Variants in VPS8 observed in about 807,000 individuals in gnomAD.
The protein encoded by VPS8 is vacuolar protein sorting-associated protein 8 homolog.
A neutral mutation model predicts 216.4 loss-of-function variants in VPS8; 129 were observed. The observed-to-expected ratio is 0.60, with a 90% CI of 0.52 to 0.69. VPS8 has a LOEUF of 0.69. Ranked by LOEUF, VPS8 falls within the 30% of genes least tolerant of loss-of-function variation. The pLI is 0.00. For missense variants in VPS8, 1,531 were observed against 1,683.5 expected (o/e 0.91, Z 1.59); for synonymous variants, 571 against 565.4 (o/e 1.01, Z -0.14).
chr3:184,890,112 G>C (rs1328949720), intron 22 of VPS8, among the ~76,000 whole-genome samples: 5 of 152,148 alleles, frequency 3.3e-5, no homozygotes, highest in Non-Finnish European at 7.3e-5. Flanking sequence ...GATGTAAGTA[G>C]CTTCATCCCA....
At chr3:184,823,347 T>A (rs951062159) in intron 1 of VPS8, among the ~76,000 whole-genome samples, 2 of 152,182 alleles carry the variant, frequency 1.3e-5, no homozygotes, top group African/African-American at 4.8e-5. Context: ...CTCCATTTCT[T>A]AAAAGAAATT....
chr3:184,896,934 T>G (rs1733603179), intron 23 of VPS8, among the ~76,000 whole-genome samples: 1 of 152,024 alleles, frequency 6.6e-6, no homozygotes, highest in Non-Finnish European at 1.5e-5. Context: ...CAAGAAGGAA[T>G]CAGTAATGCA....
chr3:184,952,622 T>C (rs1431989865), intron 36 of VPS8, among the ~76,000 whole-genome samples: 1 of 152,202 alleles, frequency 6.6e-6, no homozygotes, highest in East Asian at 1.9e-4. Flanking sequence ...GGAAGAGTCA[T>C]GAATATTTAT....
intron 45 of VPS8, among the ~76,000 whole-genome samples, chr3:185,017,199 A>T (rs1755929278): frequency 6.6e-6 from 1 of 152,112 alleles, no homozygotes; most frequent in South Asian, 2.1e-4. Context: ...TCACAATGCA[A>T]AATATAACTA....
Position 184,996,371 on chromosome 3 carries a change from C to T in VPS8, c.3706C>T (p.Leu1236Phe), listed in dbSNP as rs1752615121. The T allele has an allele frequency of 6.2e-7, 1 of 1,613,308 alleles. No homozygotes were observed. The highest frequency in any genetic ancestry group is 8.5e-7 in the Non-Finnish European group (1 of 1,179,564). Residue 1236 changes from leucine (L) to phenylalanine (F), a missense_variant, in exon 44 of 48, where the codon CTC becomes TTC. By Grantham distance (22) the Leu-to-Phe change is conservative. Transcript: ENST00000625842. Reference sequence around the variant, plus strand: ...AACAACCAGCCTTCTAAACCAAGATCTCCATTGGTCATTGTGTAACCTGAG... The same window carrying T: ...AACAACCAGCCTTCTAAACCAAGATTTCCATTGGTCATTGTGTAACCTGAG... Reference protein sequence around the residue: ...ETTTSLLNQDLHWSLCNLRAS... With the variant: ...ETTTSLLNQDFHWSLCNLRAS...
Position 184,969,409 on chromosome 3 carries a change from C to G in VPS8, c.3317-2240C>G, listed in dbSNP as rs188910802. ...GGGATTACAGGTATGAGCCACTGTA[C>G]CCAGCCCCACCCCCCCCCCTTTTTT... On this transcript the variant is annotated intron_variant, in intron 39 of 47. Transcript: ENST00000625842. Among the ~76,000 whole-genome samples, 451 of 113,062 alleles carry G rather than the reference C, an allele frequency of 4.0e-3. 3 individuals are homozygous for G. Among genetic ancestry groups the G allele is most frequent in the African/African-American group, 0.015 (435 of 28,502 alleles). The allele number at this position is 113,062 out of a possible 152,430, so 74.2% of individuals were successfully genotyped here. A position where few individuals can be genotyped will look rare whatever the true frequency, so the allele number is the denominator to read the frequency against.
chr3:184,934,156 TTTTTGTTTTG>T (rs570277678), intron 34 of VPS8, among the ~76,000 whole-genome samples: 2 of 152,054 alleles, frequency 1.3e-5, no homozygotes, highest in Admixed American at 6.6e-5. Context: ...CCATCCTTTG[TTTTTGTTTTG>T]TTTTGTTTTG....
chr3:184,952,950 G>GT (rs1236524265), intron 36 of VPS8, among the ~76,000 whole-genome samples: 2 of 152,198 alleles, frequency 1.3e-5, no homozygotes, highest in African/African-American at 2.4e-5. Context: ...TGAGCCATAT[G>GT]TTTTTTGTTT....
In VPS8 at chr3:184,969,179, G is replaced by A. The variant is rs140926590; in HGVS notation, c.3316+2466G>A. Among the ~76,000 whole-genome samples, 16 of 152,054 alleles carry A rather than the reference G, an allele frequency of 1.1e-4. 1 individual carries two copies. Among genetic ancestry groups the A allele is most frequent in the East Asian group, 7.8e-4 (4 of 5,152 alleles). ...GTTGCCCAGGCTGGAGTGCAGTGGC[G>A]CAATCTTGGCTCACTGCAACCTCTG... is the stretch of plus-strand genomic sequence containing the variant. On this transcript the variant is annotated intron_variant, in intron 39 of 47. Transcript: ENST00000625842.
intron 36 of VPS8, among the ~76,000 whole-genome samples, chr3:184,949,496 T>C (rs930481928): frequency 6.6e-6 from 1 of 152,032 alleles, no homozygotes; most frequent in Admixed American, 6.6e-5. Context: ...TATGAGGGAT[T>C]GTGGCTGTTC....
At chr3:184,887,320 C>T (rs967112829) in intron 22 of VPS8, among the ~76,000 whole-genome samples, 15 of 151,974 alleles carry the variant, frequency 9.9e-5, no homozygotes, top group African/African-American at 3.6e-4. Context: ...GTACTCCAGC[C>T]TGGGTGACAG....
At chr3:184,878,318 C>A (rs1729645883) in intron 21 of VPS8, among the ~76,000 whole-genome samples, 1 of 152,058 alleles carries the variant, frequency 6.6e-6, no homozygotes, top group Admixed American at 6.5e-5. Context: ...GCCATGTTGG[C>A]CAGGCTGGTC....
intron 37 of VPS8, among the ~76,000 whole-genome samples, 182 bp from the exon 38 acceptor site, chr3:184,964,286 A>C (rs895850535): frequency 2.6e-5 from 4 of 152,070 alleles, no homozygotes; most frequent in African/African-American, 4.8e-5. Context: ...GTCCAGTTAG[A>C]ACTCCCAAAT....
chr3:184,853,718 A>G lies in VPS8; in HGVS notation c.822-139A>G, dbSNP rs981026499. 1.1e-5 allele frequency: 9 copies of G among 793,434 alleles called. No homozygotes were observed. In the African/African-American group the frequency reaches 1.4e-4, roughly 12 times the overall value. The allele number at this position is 793,434 out of a possible 1,614,324, so 49.1% of individuals were successfully genotyped here. A position where few individuals can be genotyped will look rare whatever the true frequency, so the allele number is the denominator to read the frequency against. Reference sequence around the variant, plus strand: ...ATCTGACTTGTATAATAAAAAGACCATGCTGCTGTCCTGTGGAGCTTGGAT... The same window carrying G: ...ATCTGACTTGTATAATAAAAAGACCGTGCTGCTGTCCTGTGGAGCTTGGAT... On this transcript the variant is annotated intron_variant, in intron 11 of 47. Transcript: ENST00000625842.
At chr3:185,037,404 G>C (rs1321547907) in intron 46 of VPS8, among the ~76,000 whole-genome samples, 1 of 152,036 alleles carries the variant, frequency 6.6e-6, no homozygotes, top group African/African-American at 2.4e-5. Context: ...GCATTACATT[G>C]TTATGTACTT....
chr3:184,866,824 T>C, intron 16 of VPS8, 52 bp from the exon 17 acceptor site: 2 of 1,539,400 alleles, frequency 1.3e-6, no homozygotes, highest in South Asian at 1.2e-5. Context: ...AAAAAATATA[T>C]TAAATACAAA....
At chr3:184,912,079 T>C (rs1736642915) in intron 25 of VPS8, among the ~76,000 whole-genome samples, 1 of 152,224 alleles carries the variant, frequency 6.6e-6, no homozygotes, top group Non-Finnish European at 1.5e-5. Context: ...TGCATGTTTT[T>C]ACTTCTGAAG....
intron 21 of VPS8, among the ~76,000 whole-genome samples, chr3:184,882,956 G>A (rs1343606910): frequency 1.3e-5 from 2 of 152,138 alleles, no homozygotes; most frequent in Non-Finnish European, 2.9e-5. Context: ...CTTGCTAGAA[G>A]TTTGTCAGTT....
chr3:184,989,956 C>T (rs1218191777), intron 42 of VPS8, among the ~76,000 whole-genome samples: 1 of 151,922 alleles, frequency 6.6e-6, no homozygotes, highest in Non-Finnish European at 1.5e-5. Context: ...ACCTGTAGTC[C>T]CAGCTACTCG....
Sources: gnomAD v4.1 joint callset for allele counts (sites outside exome capture counted in the v4.1 genomes callset) on GRCh38, gnomAD v4.1.1 for gene constraint, MANE v1.5 for transcripts, NCBI Gene and HGNC (gene_info 2026-07-23, HGNC 2026-07-21) for gene names.